Variants in RANBP9 observed in about 807,000 individuals in gnomAD.
RANBP9 encodes RAN binding protein 9, also known as ran-binding protein 9.
In RANBP9, 15 loss-of-function variants were observed where a neutral mutation model predicts 84.3. That is an observed-to-expected ratio of 0.18 (90% CI 0.12 to 0.27). The LOEUF (loss-of-function observed/expected upper bound fraction) is 0.27, where lower values mean the gene tolerates loss of function less well. Ranked by LOEUF, RANBP9 falls within the 10% of genes least tolerant of loss-of-function variation. RANBP9 has a pLI of 1.00. For synonymous variants in RANBP9, 392 were observed against 349.6 expected (o/e 1.12, Z -1.35); for missense variants, 809 against 912.8 (o/e 0.89, Z 1.46).
At chr6:13,640,163 T>A (rs1211059384) in intron 8 of RANBP9, among the ~76,000 whole-genome samples, 5 of 152,172 alleles carry the variant, frequency 3.3e-5, no homozygotes, top group Non-Finnish European at 5.9e-5. Flanking sequence ...CCCGTCCCAT[T>A]CCCAACCTCT....
chr6:13,698,292 G>T (rs1006931472), intron 1 of RANBP9, among the ~76,000 whole-genome samples: 43 of 152,258 alleles, frequency 2.8e-4, no homozygotes, highest in Middle Eastern at 3.4e-3. Context: ...GGAAGCAACA[G>T]TATTTACATG....
In RANBP9 at chr6:13,627,486, C is replaced by G. The variant is rs748632482; in HGVS notation, c.1948-1722G>C. On this transcript the variant is annotated intron_variant, in intron 12 of 13. Transcript: ENST00000011619. ...CTCCACTAAAAATACAAAAATTAGT[C>G]AGGCATGGTGGTGCATGCCTCTAAT... Among the ~76,000 whole-genome samples the G allele has an allele frequency of 1.3e-5, 2 of 149,348 alleles. 1 individual carries two copies. The highest frequency in any genetic ancestry group is 6.8e-3 in the Middle Eastern group (2 of 294).
chr6:13,657,163 A>T lies in RANBP9; in HGVS notation c.850T>A (p.Cys284Ser), dbSNP rs1316750624. 6.2e-7 allele frequency: 1 copy of T among 1,613,048 alleles called. No individual in the cohort carries two copies. The highest frequency in any genetic ancestry group is 8.5e-7 in the Non-Finnish European group (1 of 1,179,466). The change falls in exon 4 of 14, where the codon TGT (cysteine) becomes AGT (serine). Residue 284 changes from cysteine (C) to serine (S), a missense_variant. Cys to Ser is a moderately radical substitution (Grantham distance 112). This residue lies in a region of RANBP9 where 216 missense variants were observed against 329.0 expected (regional missense o/e 0.66). Transcript: ENST00000011619. Reference protein sequence around the residue: ...TFTTGDVIGCCVNLINNTCFY... With the variant: ...TFTTGDVIGCSVNLINNTCFY... The stretch of plus-strand genomic sequence containing the variant: ...CAGGTATTGTTGATAAGATTAACAC[A>T]ACAGCCAATGACATCACCAGTAGTG...
At chr6:13,632,719 T>C in intron 11 of RANBP9, 198 bp from the exon 12 acceptor site, 1 of 548,400 alleles carries the variant, frequency 1.8e-6, no homozygotes, top group South Asian at 2.4e-5. Flanking sequence ...CTCAAGAGTC[T>C]AGGATCCAGT....
intron 7 of RANBP9, 38 bp from the exon 8 acceptor site, chr6:13,641,345 A>C (rs1347650342): frequency 7.8e-7 from 1 of 1,285,020 alleles, no homozygotes; most frequent in Non-Finnish European, 1.1e-6. Flanking sequence ...AACTTTTACA[A>C]AAGTAGATAA....
chr6:13,670,020 T>C (rs1389189588), intron 2 of RANBP9, among the ~76,000 whole-genome samples: 2 of 152,040 alleles, frequency 1.3e-5, no homozygotes, highest in African/African-American at 4.8e-5. Flanking sequence ...TCGGGCACAG[T>C]GGCTCAAGTC....
intron 2 of RANBP9, among the ~76,000 whole-genome samples, chr6:13,666,978 T>C (rs553857889): frequency 3.3e-4 from 50 of 152,192 alleles, no homozygotes; most frequent in Non-Finnish European, 5.4e-4. Context: ...GTAAACTGAA[T>C]AGCTGGTAGA....
chr6:13,691,386 T>A (rs1174522609), intron 2 of RANBP9, among the ~76,000 whole-genome samples: 2 of 152,162 alleles, frequency 1.3e-5, no homozygotes, highest in East Asian at 3.8e-4. Context: ...TCAGGTCTCA[T>A]TTTCTAGGCA....
intron 1 of RANBP9, among the ~76,000 whole-genome samples, chr6:13,706,771 G>C (rs1045828632): frequency 6.6e-6 from 1 of 151,930 alleles, no homozygotes; most frequent in Non-Finnish European, 1.5e-5. Context: ...GGAGGCCGAG[G>C]CGGGCAGATC....
intron 2 of RANBP9, among the ~76,000 whole-genome samples, chr6:13,659,259 C>CACACACACACACAT (rs1765486151): frequency 2.6e-5 from 1 of 38,834 alleles, no homozygotes; most frequent in Non-Finnish European, 6.3e-5. Context: ...CACACACATA[C>CACACACACACACAT]ACACACACAC....
chr6:13,658,219 C>T (rs1387340113), intron 3 of RANBP9, among the ~76,000 whole-genome samples: 1 of 152,006 alleles, frequency 6.6e-6, no homozygotes, highest in Non-Finnish European at 1.5e-5. Flanking sequence ...GCTGATATTA[C>T]TATGTACTAA....
chr6:13,707,245 T>C (rs1315297661), intron 1 of RANBP9, among the ~76,000 whole-genome samples: 3 of 152,022 alleles, frequency 2.0e-5, no homozygotes, highest in Non-Finnish European at 4.4e-5. Flanking sequence ...TCTAGAACTC[T>C]TGGGCTCAAG....
chr6:13,649,921 T>C (rs572164356), intron 5 of RANBP9, among the ~76,000 whole-genome samples: 7 of 152,320 alleles, frequency 4.6e-5, no homozygotes, highest in African/African-American at 1.7e-4. Context: ...TTCTCAGACC[T>C]TATGTAATTT....
Position 13,711,450 on chromosome 6 carries a change from A to G in RANBP9, c.56T>C (p.Leu19Pro), listed in dbSNP as rs1758282161. 7.4e-6 allele frequency: 9 copies of G among 1,215,762 alleles called. No homozygotes were observed. The highest frequency in any genetic ancestry group is 9.2e-6 in the Non-Finnish European group (9 of 976,952). 75.3% of individuals were successfully genotyped at this position (1,215,762 alleles called of 1,614,324 possible). A position where few individuals can be genotyped will look rare whatever the true frequency, so the allele number is the denominator to read the frequency against. ...CAAGGCCGCCGGCGGTGGCGGCGAC[A>G]GCTGCTGCTGCTGTTGCTGCTGCTG... ...PPQQQQQQQQ[L>P]SPPPPAALAP... The change falls in exon 1 of 14, where the codon CTG (leucine) becomes CCG (proline). Residue 19 changes from leucine (L) to proline (P), a missense_variant. Transcript: ENST00000011619.
intron 2 of RANBP9, among the ~76,000 whole-genome samples, chr6:13,661,273 A>G (rs948059991): frequency 1.3e-5 from 2 of 152,234 alleles, no homozygotes; most frequent in African/African-American, 2.4e-5. Context: ...TCTCAATATC[A>G]TGCTGAAGCA....
intron 9 of RANBP9, among the ~76,000 whole-genome samples, chr6:13,638,861 G>T (rs559626814): frequency 1.3e-5 from 2 of 152,082 alleles, no homozygotes; most frequent in Non-Finnish European, 2.9e-5. Context: ...GTTGGGGGTG[G>T]GGGGAGAGGA....
intron 1 of RANBP9, among the ~76,000 whole-genome samples, chr6:13,706,186 T>C (rs533073663): frequency 6.6e-6 from 1 of 151,104 alleles, no homozygotes. Flanking sequence ...CTACTAAAAA[T>C]ACAAAAAATT....
At chr6:13,683,248 T>C (rs1230744854) in intron 2 of RANBP9, among the ~76,000 whole-genome samples, 3 of 152,214 alleles carry the variant, frequency 2.0e-5, no homozygotes, top group Non-Finnish European at 4.4e-5. Flanking sequence ...GGAATGTTAA[T>C]CAACCTAAGT....
intron 9 of RANBP9, among the ~76,000 whole-genome samples, chr6:13,639,121 C>G (rs1765005743): frequency 6.6e-6 from 1 of 152,190 alleles, no homozygotes; most frequent in African/African-American, 2.4e-5. Flanking sequence ...TCTGAACCTA[C>G]AATTTTTCAC....
Sources: gnomAD v4.1 joint callset for allele counts (sites outside exome capture counted in the v4.1 genomes callset) on GRCh38, gnomAD v4.1.1 for gene constraint, gnomAD v4.1.1 regional missense constraint, MANE v1.5 for transcripts, NCBI Gene and HGNC (gene_info 2026-07-23, HGNC 2026-07-21) for gene names.